MGAT4D: variants seen among roughly 807,000 people sequenced by gnomAD.
MGAT4D encodes MGAT4 family member D, also known as alpha-1,3-mannosyl-glycoprotein 4-beta-N-acetylglucosaminyltransferase-like protein MGAT4D.
MGAT4D carries 34 observed loss-of-function variants against 15.9 expected under a neutral mutation model. The observed-to-expected ratio is 2.14, with a 90% CI of 1.62 to 2.84. MGAT4D has a LOEUF of 2.84. MGAT4D is among the 30% of genes most tolerant of loss of function. The pLI is 0.00. For missense variants in MGAT4D, 327 were observed against 140.2 expected, an observed-to-expected ratio of 2.33 and a Z score of -6.73; for synonymous variants, 112 against 48.2, an observed-to-expected ratio of 2.33 and a Z score of -5.49.
chr4:140,478,484 T>C (rs527547075), intron 3 of MGAT4D, among the ~76,000 whole-genome samples: 1 of 152,312 alleles, frequency 6.6e-6, no homozygotes, highest in African/African-American at 2.4e-5. Context: ...ACACAACACA[T>C]ATGCATGTAT....
In MGAT4D at chr4:140,498,180, C is replaced by T. The variant is rs939113911; in HGVS notation, c.43G>A (p.Val15Ile). The T allele has an allele frequency of 7.1e-6, 5 of 702,538 alleles. No homozygotes were observed. Among genetic ancestry groups the T allele is most frequent in the Non-Finnish European group, 1.3e-5 (5 of 384,748 alleles). The allele number at this position is 702,538 out of a possible 1,614,324, so 43.5% of individuals were successfully genotyped here. ...QVNLLITLVA[V>I]ALFSFSCFSI... ...AAGCAAGAGAAGCTGAACAACGCGA[C>T]GGCGACCAGGGTGATCAGCAAGTTC... The change falls in exon 1 of 11, where the codon GTC (valine) becomes ATC (isoleucine). Residue 15 changes from valine (V) to isoleucine (I), a missense_variant. Transcript: ENST00000511113.
At chr4:140,454,424 C>G (rs973788005) in intron 9 of MGAT4D, among the ~76,000 whole-genome samples, 1 of 152,104 alleles carries the variant, frequency 6.6e-6, no homozygotes, top group African/African-American at 2.4e-5. Flanking sequence ...GATTTTCAAA[C>G]AAACCAGTTT....
chr4:140,479,607 A>G lies in MGAT4D; in HGVS notation c.274T>C (p.Leu92=). ...GNLVAQKADI[L]NKNETVSNTF... ...TTAGATACTGTTTCATTTTTATTTA[A>G]TATGTCTGCTTTCTGTGCAACTGAA... The change falls in exon 3 of 11, where the codon TTA becomes CTA. Residue 92 remains leucine, a synonymous_variant. Coordinates refer to ENST00000511113, the MANE Select transcript of MGAT4D (RefSeq NM_001277353.2). The G allele has an allele frequency of 4.0e-6, 2 of 498,022 alleles. No homozygotes were observed. The highest frequency in any genetic ancestry group is 7.1e-6 in the Non-Finnish European group (2 of 282,642). The allele number at this position is 498,022 out of a possible 1,614,324, so 30.9% of individuals were successfully genotyped here.
Position 140,481,041 on chromosome 4 carries a change from C to A in MGAT4D, c.253+1286G>T, listed in dbSNP as rs150846230. ...ATTAGAATGGCTATAATAGGACAGG[C>A]ATGGTCCCGTAATTCCAGCACTTTG... is the stretch of plus-strand genomic sequence containing the variant. On this transcript the variant is annotated intron_variant, in intron 2 of 10. Coordinates refer to ENST00000511113, the MANE Select transcript of MGAT4D (RefSeq NM_001277353.2). 3.1e-3 allele frequency among the ~76,000 whole-genome samples: 479 copies of A among 152,284 alleles called. 2 individuals are homozygous for A. The highest frequency in any genetic ancestry group is 0.011 in the African/African-American group (464 of 41,552).
At chr4:140,468,285 A>G (rs17005984) in intron 5 of MGAT4D, among the ~76,000 whole-genome samples, 2,185 of 152,234 alleles carry the variant, frequency 0.014, 28 homozygotes, top group South Asian at 0.045. Context: ...TTGATTTTCA[A>G]TTCTAACTAC....
intron 10 of MGAT4D, among the ~76,000 whole-genome samples, chr4:140,445,476 G>A (rs1402474529): frequency 6.6e-6 from 1 of 152,010 alleles, no homozygotes; most frequent in Non-Finnish European, 1.5e-5. Flanking sequence ...CCATTCTGTA[G>A]GTTGTCTGTT....
chr4:140,482,493 G>C lies in MGAT4D; in HGVS notation c.95-8C>G, dbSNP rs1732809517. 1.6e-6 allele frequency: 1 copy of C among 622,040 alleles called. No individual in the cohort carries two copies. The highest frequency in any genetic ancestry group is 3.1e-5 in the Admixed American group (1 of 32,150). 38.5% of individuals were successfully genotyped at this position (622,040 alleles called of 1,614,324 possible). On this transcript the variant is annotated splice_polypyrimidine_tract_variant and splice_region_variant and intron_variant, in intron 1 of 10. Transcript: ENST00000511113. ...AGTTAATTAATTGATTATCTGCAAT[G>C]AAAACATATGTATATATTTGTACAT...
chr4:140,491,084 TC>T (rs2126870574), intron 1 of MGAT4D, among the ~76,000 whole-genome samples: 1 of 152,330 alleles, frequency 6.6e-6, no homozygotes, highest in East Asian at 1.9e-4. Context: ...TCTTACCTTT[TC>T]TTGTAATTGC....
intron 2 of MGAT4D, among the ~76,000 whole-genome samples, chr4:140,481,373 C>T (rs1029155161): frequency 6.6e-6 from 1 of 152,120 alleles, no homozygotes; most frequent in Non-Finnish European, 1.5e-5. Context: ...TGAAAAATGG[C>T]ACAGCCACTC....
At chr4:140,455,119 T>C (rs6815776) in intron 9 of MGAT4D, among the ~76,000 whole-genome samples, 38,087 of 152,032 alleles carry the variant, frequency 0.25, 4,873 homozygotes, top group South Asian at 0.36. Context: ...CTTCCTTTGC[T>C]TTTTATTTTG....
At chr4:140,445,788 C>A (rs1012882424) in intron 10 of MGAT4D, among the ~76,000 whole-genome samples, 1 of 152,174 alleles carries the variant, frequency 6.6e-6, no homozygotes, top group African/African-American at 2.4e-5. Flanking sequence ...AATAGGAAGT[C>A]TTTTCCCCCA....
intron 10 of MGAT4D, among the ~76,000 whole-genome samples, chr4:140,450,638 G>A (rs1730414004): frequency 6.6e-6 from 1 of 152,166 alleles, no homozygotes; most frequent in Non-Finnish European, 1.5e-5. Flanking sequence ...CATGAATGAT[G>A]GGAAGATGTA....
At chr4:140,446,489 G>C (rs1480705994) in intron 10 of MGAT4D, among the ~76,000 whole-genome samples, 1 of 152,066 alleles carries the variant, frequency 6.6e-6, no homozygotes, top group African/African-American at 2.4e-5. Context: ...ATGGTTATTT[G>C]TATTTCTGTA....
rs542909285 is a variant in MGAT4D at position 140,475,575 on chromosome 4, C to T, written c.392-629G>A. Reference sequence around the variant, plus strand: ...ACAACATCTCCAGCCTTATGTCCCCCTCTTTAAGATAGGGATAAGGACTTC... The same window carrying T: ...ACAACATCTCCAGCCTTATGTCCCCTTCTTTAAGATAGGGATAAGGACTTC... On this transcript the variant is annotated intron_variant, in intron 3 of 10. Transcript: ENST00000511113. Among the ~76,000 whole-genome samples, 321 of 146,784 alleles carry T rather than the reference C, an allele frequency of 2.2e-3. 1 individual carries two copies. The highest frequency in any genetic ancestry group is 3.9e-3 in the Non-Finnish European group (264 of 67,438).
intron 7 of MGAT4D, among the ~76,000 whole-genome samples, chr4:140,460,001 G>A (rs922022829): frequency 2.0e-5 from 3 of 151,714 alleles, no homozygotes; most frequent in Non-Finnish European, 4.4e-5. Context: ...CCAACTCCTG[G>A]GCTCAAGTGA....
In MGAT4D at chr4:140,456,592, A is replaced by G; in HGVS notation, c.1005T>C (p.Asp335=). 1 of 662,926 alleles carries G rather than the reference A, an allele frequency of 1.5e-6. No individual in the cohort carries two copies. The highest frequency in any genetic ancestry group is 1.7e-5 in the South Asian group (1 of 58,806). 41.1% of individuals were successfully genotyped at this position (662,926 alleles called of 1,614,324 possible). Residue 335 remains aspartate, a synonymous_variant, in exon 9 of 11, where the codon GAT becomes GAC. Coordinates refer to ENST00000511113, the MANE Select transcript of MGAT4D (RefSeq NM_001277353.2). ...FQVKVCDAGE[D]LRNCMKRKKQ... Reference sequence around the variant, plus strand: ...TATTCATAAAGTAAATACTCACAAGATCTTCTCCTGCGTCACACACCTTTA... The same window carrying G: ...TATTCATAAAGTAAATACTCACAAGGTCTTCTCCTGCGTCACACACCTTTA...
At chr4:140,471,228 T>TTCCTTCCA (rs1731926446) in intron 5 of MGAT4D, among the ~76,000 whole-genome samples, 1 of 24,440 alleles carries the variant, frequency 4.1e-5, no homozygotes, top group Non-Finnish European at 7.7e-5. Flanking sequence ...TCCTTTTTGT[T>TTCCTTCCA]TCCTTCCTTC....
At chr4:140,487,670 C>T (rs1034554348) in intron 1 of MGAT4D, among the ~76,000 whole-genome samples, 1 of 152,118 alleles carries the variant, frequency 6.6e-6, no homozygotes, top group African/African-American at 2.4e-5. Context: ...AATTCAGATG[C>T]TAAATTTTAA....
At chr4:140,476,075 G>A (rs772402012) in intron 3 of MGAT4D, among the ~76,000 whole-genome samples, 8 of 152,068 alleles carry the variant, frequency 5.3e-5, no homozygotes, top group Non-Finnish European at 1.0e-4. Flanking sequence ...GCCTCCCAAA[G>A]TGCTGGGATT....
Sources: gnomAD v4.1 joint callset for allele counts (sites outside exome capture counted in the v4.1 genomes callset) on GRCh38, gnomAD v4.1.1 for gene constraint, MANE v1.5 for transcripts, NCBI Gene and HGNC (gene_info 2026-07-23, HGNC 2026-07-21) for gene names.